Variants in ZNF732 observed in about 807,000 individuals in gnomAD.
ZNF732 encodes zinc finger protein 732.
ZNF732 carries 12 observed loss-of-function variants against 11.5 expected under a neutral mutation model. That is an observed-to-expected ratio of 1.05 (90% CI 0.67 to 1.70). The LOEUF is 1.70. Ranked by LOEUF, ZNF732 falls within the 40% of genes most tolerant of loss-of-function variation. ZNF732 has a pLI of 0.00. For missense variants in ZNF732, 702 were observed against 676.9 expected, an observed-to-expected ratio of 1.04 and a Z score of -0.41; for synonymous variants, 231 against 236.5, an observed-to-expected ratio of 0.98 and a Z score of 0.21.
chr4:271,152 A>G lies in ZNF732; in HGVS notation c.1705T>C (p.Trp569Arg), dbSNP rs11731285. 0.2 allele frequency: 315,694 copies of G among 1,546,262 alleles called. 34,373 individuals carry two copies. Among genetic ancestry groups the G allele is most frequent in the South Asian group, 0.35 (28,845 of 83,586 alleles). ...KCKGCGKAFKWSSYLNQHNKI... is the reference protein window; with the variant it reads ...KCKGCGKAFKRSSYLNQHNKI... Reference sequence around the variant, plus strand: ...TTATGTTGATTAAGGTATGAGGACCACTTAAAGGCTTTGCCACATCCTTTA... The same window carrying G: ...TTATGTTGATTAAGGTATGAGGACCGCTTAAAGGCTTTGCCACATCCTTTA... The change falls in exon 4 of 4, where the codon TGG becomes CGG. Residue 569 changes from tryptophan (W) to arginine (R), a missense_variant. This residue lies in a region of ZNF732 where 94 missense variants were observed against 87.5 expected (regional missense o/e 1.07). Transcript: ENST00000419098.
chr4:288,590 TATC>T (rs1719778799), intron 3 of ZNF732, among the ~76,000 whole-genome samples: 1 of 152,240 alleles, frequency 6.6e-6, no homozygotes, highest in Admixed American at 6.5e-5. Context: ...TGTTCTGTTC[TATC>T]ATCTATTTGT....
chr4:287,690 C>A (rs1719761031), intron 3 of ZNF732, among the ~76,000 whole-genome samples: 1 of 151,856 alleles, frequency 6.6e-6, no homozygotes, highest in Non-Finnish European at 1.5e-5. Context: ...TCACCCCAGG[C>A]TGGAGTGCAG....
intron 3 of ZNF732, among the ~76,000 whole-genome samples, chr4:273,693 CAGCAA>C (rs2108651906): frequency 6.6e-6 from 1 of 151,914 alleles, no homozygotes; most frequent in African/African-American, 2.4e-5. Flanking sequence ...CACAGATTTA[CAGCAA>C]AGCACATATA....
intron 1 of ZNF732, among the ~76,000 whole-genome samples, chr4:299,364 C>T (rs1472443049): frequency 1.9e-5 from 2 of 102,610 alleles, no homozygotes; most frequent in Non-Finnish European, 4.1e-5. Flanking sequence ...CATATATACA[C>T]ATATGTGTAT....
Position 271,937 on chromosome 4 carries a change from T to C in ZNF732, c.920A>G (p.Lys307Arg). Residue 307 changes from lysine to arginine, a missense_variant, in exon 4 of 4, where the codon AAA becomes AGA. By Grantham distance (26) the Lys-to-Arg change is conservative (BLOSUM62 2). Transcript: ENST00000419098. The part of the protein sequence containing the change: ...KKIHTGEKLY[K>R]CQECGKVFNR... ...AAAGACTTTGCCACATTCCTGACAT[T>C]TGTAGAGTTTCTCTCCGGTATGAAT... 4 of 1,609,540 alleles carry C rather than the reference T, an allele frequency of 2.5e-6. No individual in the cohort carries two copies. The highest frequency in any genetic ancestry group is 3.4e-6 in the Non-Finnish European group (4 of 1,177,630).
At chr4:286,754 G>A (rs1719739513) in intron 3 of ZNF732, among the ~76,000 whole-genome samples, 2 of 152,158 alleles carry the variant, frequency 1.3e-5, no homozygotes, top group Admixed American at 1.3e-4. Flanking sequence ...AGGTAAACTT[G>A]TGTCATAAAG....
At chr4:276,667 T>C (rs1719503936) in intron 3 of ZNF732, among the ~76,000 whole-genome samples, 1 of 151,908 alleles carries the variant, frequency 6.6e-6, no homozygotes, top group East Asian at 1.9e-4. Context: ...GAAAAAGACA[T>C]GAAAATTTGA....
intron 1 of ZNF732, among the ~76,000 whole-genome samples, chr4:299,332 A>G (rs1720028838): frequency 8.0e-6 from 1 of 124,670 alleles, no homozygotes; most frequent in African/African-American, 3.1e-5. Context: ...TCCAATTAGA[A>G]GCAGTTATGA....
chr4:274,095 C>T (rs1392863720), intron 3 of ZNF732, among the ~76,000 whole-genome samples: 2 of 151,632 alleles, frequency 1.3e-5, no homozygotes, highest in Admixed American at 1.3e-4. Flanking sequence ...AAAAGATATG[C>T]ACATCCACAA....
chr4:274,724 ATACAAAG>A lies in ZNF732; in HGVS notation c.227-2101_227-2095del, dbSNP rs1323801198. Among the ~76,000 whole-genome samples the A allele has an allele frequency of 4.0e-5, 6 of 151,716 alleles. No individual in the cohort carries two copies. In the South Asian group the frequency reaches 8.3e-4, roughly 21 times the overall value. ...CCAAATAAGAGGTCCAAATTATGTAATACAAAGTACATCTTAAGTCAAAACTGTCCTA... is the reference window on the plus strand; with the variant it reads ...CCAAATAAGAGGTCCAAATTATGTAATACATCTTAAGTCAAAACTGTCCTA... On this transcript the variant is annotated intron_variant, in intron 3 of 3. Transcript: ENST00000419098.
At chr4:299,439 A>ATATATATACACATATATACACATATGTG (rs1560165208) in intron 1 of ZNF732, among the ~76,000 whole-genome samples, 2 of 45,820 alleles carry the variant, frequency 4.4e-5, no homozygotes, top group African/African-American at 1.6e-4. Flanking sequence ...ATATGTGTAT[A>ATATATATACACATATATACACATATGTG]TATATATATA....
In ZNF732 at chr4:299,453, A is replaced by G. The variant is rs1720050596; in HGVS notation, c.4-3298T>C. ...CATATGTGTATATATATATATATAC[A>G]CATATGTGTATATATATATACACAT... is the stretch of plus-strand genomic sequence containing the variant. On this transcript the variant is annotated intron_variant, in intron 1 of 3. Coordinates refer to ENST00000419098, the MANE Select transcript of ZNF732 (RefSeq NM_001137608.3). 2.5e-5 allele frequency among the ~76,000 whole-genome samples: 2 copies of G among 79,880 alleles called. 1 individual carries two copies. Among genetic ancestry groups the G allele is most frequent in the African/African-American group, 7.9e-5 (2 of 25,450 alleles). 52.4% of individuals were successfully genotyped at this position (79,880 alleles called of 152,430 possible).
intron 3 of ZNF732, among the ~76,000 whole-genome samples, chr4:283,384 A>G (rs73217569): frequency 6.6e-6 from 1 of 152,320 alleles, no homozygotes; most frequent in Non-Finnish European, 1.5e-5. Context: ...GACTTACTTT[A>G]GATTTAAGGA....
chr4:300,562 C>T (rs191971721), intron 1 of ZNF732, among the ~76,000 whole-genome samples: 1 of 151,752 alleles, frequency 6.6e-6, no homozygotes, highest in Non-Finnish European at 1.5e-5. Flanking sequence ...CAGTACATGA[C>T]TGTGGTCTCA....
intron 3 of ZNF732, among the ~76,000 whole-genome samples, chr4:290,862 T>C (rs782279416): frequency 7.9e-5 from 12 of 152,126 alleles, no homozygotes; most frequent in African/African-American, 2.2e-4. Flanking sequence ...AACCCAGAGG[T>C]AGTCTCATCA....
chr4:301,267 G>A (rs1441779624), intron 1 of ZNF732, among the ~76,000 whole-genome samples: 1 of 152,194 alleles, frequency 6.6e-6, no homozygotes, highest in Non-Finnish European at 1.5e-5. Flanking sequence ...TACACTGTTG[G>A]TGGGACTGTA....
Position 299,391 on chromosome 4 carries a change from G to GTGTATATATATACACATATA in ZNF732, c.4-3237_4-3236insTATATGTGTATATATATACA, listed in dbSNP as rs1343524347. ...TATGTGTATATATATATACACATAT[G>GTGTATATATATACACATATA]TACACATATGTGTATATATATATAC... On this transcript the variant is annotated intron_variant, in intron 1 of 3. Transcript: ENST00000419098. Among the ~76,000 whole-genome samples the GTGTATATATATACACATATA allele has an allele frequency of 1.1e-3, 34 of 30,750 alleles. 2 individuals are homozygous for GTGTATATATATACACATATA. The highest frequency in any genetic ancestry group is 2.9e-3 in the African/African-American group (30 of 10,302). The allele number at this position is 30,750 out of a possible 152,430, so 20.2% of individuals were successfully genotyped here.
At chr4:296,531 A>G (rs1373108185) in intron 1 of ZNF732, among the ~76,000 whole-genome samples, 2 of 152,180 alleles carry the variant, frequency 1.3e-5, no homozygotes, top group Non-Finnish European at 2.9e-5. Context: ...TTCCACCCAG[A>G]ACAACAGACA....
chr4:292,923 C>A (rs61792099), intron 3 of ZNF732, among the ~76,000 whole-genome samples: 1 of 135,518 alleles, frequency 7.4e-6, no homozygotes, highest in Middle Eastern at 3.9e-3. Flanking sequence ...AAAAAATTAG[C>A]CAGGCGTGGT....
Sources: gnomAD v4.1 joint callset for allele counts (sites outside exome capture counted in the v4.1 genomes callset) on GRCh38, gnomAD v4.1.1 for gene constraint, gnomAD v4.1.1 regional missense constraint, MANE v1.5 for transcripts, NCBI Gene and HGNC (gene_info 2026-07-23, HGNC 2026-07-21) for gene names.